TRABD2A: variants seen among roughly 807,000 people sequenced by gnomAD.
The protein encoded by TRABD2A is metalloprotease TIKI1.
A neutral mutation model predicts 45.6 loss-of-function variants in TRABD2A; 43 were observed. The observed-to-expected ratio is 0.94, with a 90% CI of 0.74 to 1.22. The LOEUF (loss-of-function observed/expected upper bound fraction) is 1.22, where lower values mean the gene tolerates loss of function less well. Ranked by LOEUF, TRABD2A falls within the 50% of genes most tolerant of loss-of-function variation. The pLI is 0.00. For missense variants in TRABD2A, 642 were observed against 652.4 expected (o/e 0.98, Z 0.17); for synonymous variants, 269 against 265.0 (o/e 1.02, Z -0.15).
intron 1 of TRABD2A, 31 bp from the exon 2 acceptor site, chr2:84,870,816 A>G (rs1480431965): frequency 6.6e-7 from 1 of 1,519,348 alleles, no homozygotes; most frequent in Admixed American, 2.1e-5. Context: ...ATCAAGGTAT[A>G]ATATGGGGGA....
rs1386821649 is a variant in TRABD2A at position 84,870,643 on chromosome 2, A to G, written c.251T>C (p.Val84Ala). Reference protein sequence around the residue: ...SKEAFLQSSIVYFELDLTDPY... With the variant: ...SKEAFLQSSIAYFELDLTDPY... Reference sequence around the variant, plus strand: ...GTCTGTGAGATCCAACTCAAAGTACACAATGCTGCTCTGCAGGAAAGCCTC... The same window carrying G: ...GTCTGTGAGATCCAACTCAAAGTACGCAATGCTGCTCTGCAGGAAAGCCTC... Residue 84 changes from valine (V) to alanine (A), a missense_variant, in exon 2 of 7, where the codon GTG becomes GCG. By Grantham distance (64) the Val-to-Ala change is moderately conservative (BLOSUM62 0). Transcript: ENST00000409520. 1 of 1,612,362 alleles carries G rather than the reference A, an allele frequency of 6.2e-7. No individual in the cohort carries two copies.
At chr2:84,848,916 A>C (rs180886409) in intron 2 of TRABD2A, among the ~76,000 whole-genome samples, 25 of 152,266 alleles carry the variant, frequency 1.6e-4, no homozygotes, top group Admixed American at 1.4e-3. Context: ...GCAGGAAATA[A>C]AAAGCCCAAG....
At chr2:84,838,952 C>T (rs1681612593) in intron 4 of TRABD2A, 197 bp downstream of exon 4, 7 of 581,502 alleles carry the variant, frequency 1.2e-5, no homozygotes, top group Non-Finnish European at 1.5e-5. Flanking sequence ...CCAGCTCATC[C>T]AGCAACATTT....
chr2:84,839,560 C>T (rs770971037), intron 3 of TRABD2A, among the ~76,000 whole-genome samples: 7 of 151,504 alleles, frequency 4.6e-5, no homozygotes, highest in Non-Finnish European at 8.8e-5. Flanking sequence ...TTTACAACTG[C>T]ACTTCTGTTT....
chr2:84,857,656 G>A (rs1682359017), intron 2 of TRABD2A, among the ~76,000 whole-genome samples: 1 of 152,122 alleles, frequency 6.6e-6, no homozygotes, highest in African/African-American at 2.4e-5. Flanking sequence ...TCACTATCAA[G>A]TCCACACATG....
At chr2:84,832,410 A>T (rs1383430112) in intron 4 of TRABD2A, 1 of 465,764 alleles carries the variant, frequency 2.1e-6, no homozygotes. Flanking sequence ...AGCTAAGGGG[A>T]TAGCCTGGAC....
intron 2 of TRABD2A, among the ~76,000 whole-genome samples, chr2:84,851,781 G>A (rs1397171938): frequency 6.6e-6 from 1 of 152,204 alleles, no homozygotes; most frequent in African/African-American, 2.4e-5. Context: ...GGTTCCCTGG[G>A]GAACTGTAAT....
chr2:84,841,781 G>A, intron 3 of TRABD2A, 80 bp downstream of exon 3: 1 of 1,382,600 alleles, frequency 7.2e-7, no homozygotes, highest in East Asian at 2.6e-5. Context: ...TTTGTACACA[G>A]GATGTACATG....
intron 5 of TRABD2A, among the ~76,000 whole-genome samples, chr2:84,831,815 G>T (rs1681348213): frequency 6.6e-6 from 1 of 152,178 alleles, no homozygotes; most frequent in Admixed American, 6.5e-5. Flanking sequence ...ACACCACTGA[G>T]GAAAACGCCA....
At position 84,821,962 on chromosome 2, in the gene TRABD2A, G is replaced by A. The variant is rs1315038144; in HGVS notation, c.1473C>T (p.Phe491=). 1.9e-6 allele frequency: 3 copies of A among 1,605,994 alleles called. No homozygotes were observed. The highest frequency in any genetic ancestry group is 2.6e-6 in the Non-Finnish European group (3 of 1,176,380). The part of the protein sequence containing the change: ...SACLSLWTPV[F]WVLVLAFQTE... ...TTTGGAAAGCCAGCACCAGCACCCA[G>A]AACACAGGAGTCCAGAGAGACAGGC... The change falls in exon 7 of 7, where the codon TTC becomes TTT. Residue 491 remains phenylalanine, a synonymous_variant. Coordinates refer to ENST00000409520, the MANE Select transcript of TRABD2A (RefSeq NM_001277053.2).
chr2:84,867,601 A>G (rs1208587186), intron 2 of TRABD2A, among the ~76,000 whole-genome samples: 1 of 152,220 alleles, frequency 6.6e-6, no homozygotes, highest in Non-Finnish European at 1.5e-5. Flanking sequence ...TAATTAAACT[A>G]AAGAGCTTCT....
intron 2 of TRABD2A, among the ~76,000 whole-genome samples, chr2:84,847,100 G>A (rs1559090185): frequency 6.6e-6 from 1 of 152,222 alleles, no homozygotes; most frequent in Non-Finnish European, 1.5e-5. Context: ...TGGAGCTAGA[G>A]GAGGTAACTC....
chr2:84,822,084 G>T lies in TRABD2A; in HGVS notation c.1351C>A (p.Leu451Ile), dbSNP rs1421968684. The T allele has an allele frequency of 6.3e-7, 1 of 1,578,680 alleles. No individual in the cohort carries two copies. The highest frequency in any genetic ancestry group is 1.2e-5 in the South Asian group (1 of 85,588). The change falls in exon 7 of 7, where the codon CTC becomes ATC. Residue 451 changes from leucine to isoleucine, a missense_variant. Leu to Ile is a conservative substitution (Grantham distance 5). Transcript: ENST00000409520. Reference protein sequence around the residue: ...RLEESDIVPQLQVPVLDRHIS... With the variant: ...RLEESDIVPQIQVPVLDRHIS... The stretch of plus-strand genomic sequence containing the variant: ...TGCCTGTCCAGGACAGGGACCTGGA[G>T]TTGCGGGACTATGTCACTAGGAGGC...
At chr2:84,853,090 T>G (rs1682154684) in intron 2 of TRABD2A, among the ~76,000 whole-genome samples, 1 of 151,828 alleles carries the variant, frequency 6.6e-6, no homozygotes, top group South Asian at 2.1e-4. Flanking sequence ...ATATTTAAGT[T>G]AAGATCATTA....
In TRABD2A at chr2:84,821,746, G is replaced by T; in HGVS notation, c.*171C>A. 1.7e-6 allele frequency: 1 copy of T among 575,308 alleles called. No homozygotes were observed. The highest frequency in any genetic ancestry group is 2.7e-6 in the Non-Finnish European group (1 of 366,794). 35.6% of individuals were successfully genotyped at this position (575,308 alleles called of 1,614,324 possible). A position where few individuals can be genotyped will look rare whatever the true frequency, so the allele number is the denominator to read the frequency against. On this transcript the variant is annotated 3_prime_UTR_variant, in exon 7 of 7. Transcript: ENST00000409520. ...AAACTGTACACCTGCCCCCAAAGTT[G>T]GATAACCCAAAGTCACATTCCTTGG... is the stretch of plus-strand genomic sequence containing the variant.
chr2:84,863,066 A>G, intron 2 of TRABD2A, among the ~76,000 whole-genome samples: 1 of 152,244 alleles, frequency 6.6e-6, no homozygotes, highest in Middle Eastern at 3.4e-3. Context: ...GACATGGTTT[A>G]TCCAAGGAAT....
chr2:84,868,166 C>A (rs1211741182), intron 2 of TRABD2A, among the ~76,000 whole-genome samples: 2 of 152,134 alleles, frequency 1.3e-5, no homozygotes, highest in African/African-American at 4.8e-5. Flanking sequence ...TCCACAATAG[C>A]AAAGACTTGG....
At chr2:84,878,853 T>G (rs1309427218) in intron 1 of TRABD2A, among the ~76,000 whole-genome samples, 1 of 152,172 alleles carries the variant, frequency 6.6e-6, no homozygotes. Context: ...ACATACAGCA[T>G]GTGTGCCGCT....
At chr2:84,869,868 A>G (rs2105408185) in intron 2 of TRABD2A, among the ~76,000 whole-genome samples, 1 of 151,742 alleles carries the variant, frequency 6.6e-6, no homozygotes, top group East Asian at 1.9e-4. Flanking sequence ...AATCCCAGCT[A>G]CTAGGGAGGC....
Sources: allele counts gnomAD v4.1 joint callset (sites outside exome capture counted in the v4.1 genomes callset), GRCh38; gene constraint gnomAD v4.1.1; transcripts MANE v1.5; gene names NCBI Gene and HGNC (gene_info 2026-07-23, HGNC 2026-07-21).